TRAPPC8: variants seen among roughly 807,000 people sequenced by gnomAD.
The protein encoded by TRAPPC8 is trafficking protein particle complex subunit 8.
TRAPPC8 carries 54 observed loss-of-function variants against 174.3 expected under a neutral mutation model. That is an observed-to-expected ratio of 0.31 (90% CI 0.25 to 0.39). The LOEUF (loss-of-function observed/expected upper bound fraction) is 0.39, where lower values mean the gene tolerates loss of function less well. Among genes scored for constraint, TRAPPC8 ranks in the 10% least tolerant of loss-of-function variants. TRAPPC8 has a pLI of 1.00. For synonymous variants in TRAPPC8, 630 were observed against 579.9 expected (o/e 1.09, Z -1.24); for missense variants, 1,531 against 1,699.1 (o/e 0.90, Z 1.74).
At chr18:31,914,584 T>C (rs2037053609) in intron 4 of TRAPPC8, among the ~76,000 whole-genome samples, 1 of 152,236 alleles carries the variant, frequency 6.6e-6, no homozygotes, top group Admixed American at 6.5e-5. Context: ...TAAAGATTAG[T>C]AATCTTCAGA....
intron 11 of TRAPPC8, among the ~76,000 whole-genome samples, chr18:31,893,381 GT>G (rs1440785648): frequency 2.3e-5 from 1 of 43,312 alleles, no homozygotes; most frequent in Non-Finnish European, 6.0e-5. Context: ...TTGCTTCTAG[GT>G]GTGTGTGTGT....
chr18:31,890,826 G>A lies in TRAPPC8; in HGVS notation c.1637C>T (p.Ala546Val). Reference protein sequence around the residue: ...LRSALLLEQAAHCFINMKSPM... With the variant: ...LRSALLLEQAVHCFINMKSPM... Reference sequence around the variant, plus strand: ...ACTTTTCATGTTTATAAAGCAATGTGCTGCCTGTTCCAAAAGAAGTGCACT... The same window carrying A: ...ACTTTTCATGTTTATAAAGCAATGTACTGCCTGTTCCAAAAGAAGTGCACT... The change falls in exon 12 of 29, where the codon GCA becomes GTA. Residue 546 changes from alanine to valine, a missense_variant. By Grantham distance (64) the Ala-to-Val change is moderately conservative (BLOSUM62 0). Coordinates refer to ENST00000283351, the MANE Select transcript of TRAPPC8 (RefSeq NM_014939.5). The A allele has an allele frequency of 6.2e-7, 1 of 1,612,000 alleles. No homozygotes were observed. The highest frequency in any genetic ancestry group is 8.5e-7 in the Non-Finnish European group (1 of 1,178,872).
intron 12 of TRAPPC8, among the ~76,000 whole-genome samples, chr18:31,881,650 C>A (rs1382741706): frequency 2.6e-5 from 4 of 151,980 alleles, no homozygotes; most frequent in Admixed American, 2.0e-4. Flanking sequence ...ACAACTGGTA[C>A]CTAATTAAAC....
At chr18:31,899,662 A>G (rs2036330570) in intron 10 of TRAPPC8, among the ~76,000 whole-genome samples, 1 of 152,216 alleles carries the variant, frequency 6.6e-6, no homozygotes, top group Non-Finnish European at 1.5e-5. Context: ...AAAATAATAC[A>G]TGGGCCTGGC....
chr18:31,833,511 C>T (rs2032504563), intron 27 of TRAPPC8: 2 of 152,360 alleles, frequency 1.3e-5, no homozygotes, highest in Non-Finnish European at 2.9e-5. Flanking sequence ...CACTGTATCT[C>T]ATTTTCCTTA....
intron 4 of TRAPPC8, among the ~76,000 whole-genome samples, chr18:31,915,606 C>T (rs1404091700): frequency 2.0e-5 from 3 of 151,652 alleles, no homozygotes; most frequent in African/African-American, 7.3e-5. Context: ...ACTAAAAATA[C>T]AAAAATGAAG....
intron 2 of TRAPPC8, among the ~76,000 whole-genome samples, chr18:31,924,738 CAAAAAAAA>C (rs398032376): frequency 8.7e-5 from 8 of 91,872 alleles, no homozygotes; most frequent in East Asian, 2.7e-4. Flanking sequence ...AACTCCGTCT[CAAAAAAAA>C]AAAAAAAAAA....
chr18:31,842,017 T>C (rs1240703624), intron 26 of TRAPPC8, among the ~76,000 whole-genome samples: 1 of 152,172 alleles, frequency 6.6e-6, no homozygotes, highest in Non-Finnish European at 1.5e-5. Flanking sequence ...ACTAAAGGCA[T>C]GTACCACCAC....
At chr18:31,839,545 AAATCAGCAGAGAT>A (rs2032973495) in intron 26 of TRAPPC8, 88 bp from the exon 27 acceptor site, 6 of 1,239,924 alleles carry the variant, frequency 4.8e-6, no homozygotes, top group Middle Eastern at 2.1e-4. Context: ...ACAAAAGTTA[AAATCAGCAGAGAT>A]AATGTAATGC....
At chr18:31,848,359 C>T (rs996184910) in intron 25 of TRAPPC8, among the ~76,000 whole-genome samples, 9 of 152,152 alleles carry the variant, frequency 5.9e-5, no homozygotes, top group African/African-American at 1.9e-4. Flanking sequence ...GTACAGAATA[C>T]ATTACACAAA....
intron 2 of TRAPPC8, among the ~76,000 whole-genome samples, chr18:31,927,558 C>T (rs2037668412): frequency 6.6e-6 from 1 of 151,994 alleles, no homozygotes; most frequent in Non-Finnish European, 1.5e-5. Flanking sequence ...TGCCCAGCTA[C>T]CAGCTAATTT....
At chr18:31,915,672 G>A (rs1410579514) in intron 4 of TRAPPC8, among the ~76,000 whole-genome samples, 16 of 152,002 alleles carry the variant, frequency 1.1e-4, no homozygotes, top group Admixed American at 9.2e-4. Flanking sequence ...CCAGGCAGGC[G>A]GATCACGAGG....
At chr18:31,842,742 C>T (rs1011205703) in intron 26 of TRAPPC8, among the ~76,000 whole-genome samples, 1 of 152,178 alleles carries the variant, frequency 6.6e-6, no homozygotes, top group African/African-American at 2.4e-5. Flanking sequence ...ATGACACTCA[C>T]AGGAAATGCT....
chr18:31,917,685 C>A lies in TRAPPC8; in HGVS notation c.353-18G>T, dbSNP rs763812516. On this transcript the variant is annotated intron_variant, in intron 2 of 28. Coordinates refer to ENST00000283351, the MANE Select transcript of TRAPPC8 (RefSeq NM_014939.5). The stretch of plus-strand genomic sequence containing the variant: ...AGTAGTGGCTAAAATTAACAATATA[C>A]AAAACAGTTAAAAGTATTCAATAGA... 39 of 1,595,502 alleles carry A rather than the reference C, an allele frequency of 2.4e-5. No individual in the cohort carries two copies. Among genetic ancestry groups the A allele is most frequent in the Middle Eastern group, 3.3e-4 (2 of 6,048 alleles).
chr18:31,850,776 C>CAT (rs1295713477), intron 24 of TRAPPC8, among the ~76,000 whole-genome samples: 1 of 152,138 alleles, frequency 6.6e-6, no homozygotes, highest in Non-Finnish European at 1.5e-5. Context: ...CAACCAGGTT[C>CAT]ATCAAAATGA....
chr18:31,831,092 C>A (rs2032339968), intron 28 of TRAPPC8, 103 bp from the exon 29 acceptor site: 14 of 908,876 alleles, frequency 1.5e-5, no homozygotes, highest in Non-Finnish European at 2.3e-5. Flanking sequence ...GTGGCTCACG[C>A]CTGTAATCCC....
chr18:31,869,565 A>G (rs952897913), intron 16 of TRAPPC8, among the ~76,000 whole-genome samples: 1 of 152,208 alleles, frequency 6.6e-6, no homozygotes, highest in Non-Finnish European at 1.5e-5. Context: ...AGCCACACAC[A>G]AAAAAGTGCA....
At chr18:31,852,917 A>T in intron 22 of TRAPPC8, 2 of 400,908 alleles carry the variant, frequency 5.0e-6, no homozygotes, top group African/African-American at 2.0e-5. Context: ...CATTTCAGAT[A>T]AACAGTAAGT....
chr18:31,941,497 T>C (rs1340602743), intron 1 of TRAPPC8, among the ~76,000 whole-genome samples: 2 of 152,200 alleles, frequency 1.3e-5, no homozygotes, highest in East Asian at 3.8e-4. Context: ...GGCATTTTGT[T>C]GCTCTTAAGT....
Sources: allele counts gnomAD v4.1 joint callset (sites outside exome capture counted in the v4.1 genomes callset), GRCh38; gene constraint gnomAD v4.1.1; transcripts MANE v1.5; gene names NCBI Gene and HGNC (gene_info 2026-07-23, HGNC 2026-07-21).